The following CHST15 variants were observed in gnomAD, a reference collection of about 807,000 sequenced individuals.
CHST15 encodes the protein B cell RAG associated protein (GALNAC4S-6ST).
A neutral mutation model predicts 53.6 loss-of-function variants in CHST15; 30 were observed. The ratio of observed to expected loss-of-function variants is 0.56; its 90% CI spans 0.42 to 0.76. The LOEUF is 0.76. CHST15 is among the 30% of genes least tolerant of loss of function. CHST15 has a pLI of 0.00. For missense variants in CHST15, 627 were observed against 740.5 expected (o/e 0.85, Z 1.78); for synonymous variants, 296 against 289.8 (o/e 1.02, Z -0.22).
At chr10:124,071,869 G>A (rs1033369515) in intron 1 of CHST15, among the ~76,000 whole-genome samples, 3 of 151,942 alleles carry the variant, frequency 2.0e-5, no homozygotes, top group Admixed American at 6.5e-5. Flanking sequence ...TCCATTCTTC[G>A]GCCGTCCTAG....
At position 124,056,601 on chromosome 10, in the gene CHST15, G is replaced by A. The variant is rs188959210; in HGVS notation, c.-512-9877C>T. On this transcript the variant is annotated intron_variant, in intron 1 of 7. Transcript: ENST00000435907. ...CAGGGGCAGGGGAGGAAGGAGAGGC[G>A]GGGCTGTCCCTTGTCAGTTACCTTT... is the stretch of plus-strand genomic sequence containing the variant. Among the ~76,000 whole-genome samples the A allele has an allele frequency of 7.5e-4, 114 of 152,276 alleles. 1 individual carries two copies. The highest frequency in any genetic ancestry group is 4.9e-3 in the Admixed American group (75 of 15,302).
intron 5 of CHST15, among the ~76,000 whole-genome samples, chr10:124,029,221 T>C (rs1947125591): frequency 6.6e-6 from 1 of 152,236 alleles, no homozygotes; most frequent in Non-Finnish European, 1.5e-5. Context: ...GGAGCCCTTT[T>C]GTTCCACTGA....
chr10:124,011,182 G>A (rs1946408678), intron 7 of CHST15: 2 of 850,730 alleles, frequency 2.4e-6, no homozygotes, highest in East Asian at 1.2e-4. Context: ...GCTTCTTGGT[G>A]TAACCCATCA....
At chr10:124,022,820 T>C (rs948803703) in intron 5 of CHST15, among the ~76,000 whole-genome samples, 3 of 145,906 alleles carry the variant, frequency 2.1e-5, no homozygotes, top group African/African-American at 7.6e-5. Context: ...TCTTTTTTTT[T>C]TTTTTTTTTT....
chr10:124,043,802 A>G (rs1947829888), intron 3 of CHST15, among the ~76,000 whole-genome samples: 2 of 152,244 alleles, frequency 1.3e-5, no homozygotes. Context: ...CAGGTCAGAG[A>G]AGCTGAGGCC....
intron 1 of CHST15, among the ~76,000 whole-genome samples, chr10:124,050,533 G>A (rs1381045855): frequency 6.6e-6 from 1 of 152,186 alleles, no homozygotes. Context: ...CCACCCACTG[G>A]ATGCCATAGC....
chr10:124,064,846 T>C (rs752793194), intron 1 of CHST15, among the ~76,000 whole-genome samples: 19 of 152,152 alleles, frequency 1.2e-4, no homozygotes, highest in Non-Finnish European at 2.2e-4. Flanking sequence ...CAGACCACAC[T>C]GGCCCTGCCC....
At chr10:124,078,699 C>A (rs530464524) in intron 1 of CHST15, among the ~76,000 whole-genome samples, 1 of 152,202 alleles carries the variant, frequency 6.6e-6, no homozygotes, top group Non-Finnish European at 1.5e-5. Flanking sequence ...ATTGAAACAT[C>A]CTCTAAAAGA....
chr10:124,062,435 C>A (rs1019952110), intron 1 of CHST15, among the ~76,000 whole-genome samples: 5 of 152,190 alleles, frequency 3.3e-5, no homozygotes, highest in Non-Finnish European at 5.9e-5. Flanking sequence ...AACCCCTTAC[C>A]GGCTGTGTGC....
chr10:124,084,367 A>G (rs1232391726), intron 1 of CHST15, among the ~76,000 whole-genome samples: 1 of 152,168 alleles, frequency 6.6e-6, no homozygotes, highest in Non-Finnish European at 1.5e-5. Flanking sequence ...CCTGCAGGCC[A>G]GCTGACCTCC....
In CHST15 at chr10:124,091,031, T is replaced by A. The variant is rs78339280; in HGVS notation, c.-513+2438A>T. Among the ~76,000 whole-genome samples, 827 of 152,290 alleles carry A rather than the reference T, an allele frequency of 5.4e-3. 6 individuals are homozygous for A. The highest frequency in any genetic ancestry group is 0.019 in the African/African-American group (784 of 41,560). On this transcript the variant is annotated intron_variant, in intron 1 of 7. Transcript: ENST00000435907. ...CCTGCAGCTCCACCTCCAGCTCACC[T>A]ATGTGCCCACAGGAAGGCCATAACA...
chr10:124,091,452 G>A (rs760551222), intron 1 of CHST15, among the ~76,000 whole-genome samples: 16 of 152,156 alleles, frequency 1.1e-4, no homozygotes, highest in Non-Finnish European at 1.8e-4. Flanking sequence ...GGCCCCTCGG[G>A]GGTGCAGATG....
At position 124,009,222 on chromosome 10, in the gene CHST15, A is replaced by G. The variant is rs1002891662; in HGVS notation, c.*927T>C. 1.8e-5 allele frequency: 20 copies of G among 1,129,002 alleles called. No homozygotes were observed. The highest frequency in any genetic ancestry group is 3.2e-5 in the African/African-American group (2 of 61,580). 69.9% of individuals were successfully genotyped at this position (1,129,002 alleles called of 1,614,324 possible). On this transcript the variant is annotated 3_prime_UTR_variant, in exon 8 of 8. Transcript: ENST00000435907. The stretch of plus-strand genomic sequence containing the variant: ...AGGGCTTGAATTACCTAGATTTTCC[A>G]AGAAGTGTTCAATTCCTTGAGGTTG...
In CHST15 at chr10:124,036,511, G is replaced by A. The variant is rs530388145; in HGVS notation, c.1190+2004C>T. ...GCAGATCCAGCCTCTCCCTGACCAG[G>A]TCATACTCAGAGCAGCGGGAGCCAT... On this transcript the variant is annotated intron_variant, in intron 5 of 7. Transcript: ENST00000435907. This position sits in a 1 kb window ranked among gnomAD's most constrained non-coding sequence, Gnocchi z 5.1. Among the ~76,000 whole-genome samples the A allele has an allele frequency of 7.2e-5, 11 of 152,148 alleles. No individual in the cohort carries two copies. The East Asian group carries it at 2.1e-3, about 29-fold the overall frequency.
chr10:124,038,014 T>G (rs1025281766), intron 5 of CHST15, among the ~76,000 whole-genome samples: 2 of 152,198 alleles, frequency 1.3e-5, no homozygotes, highest in Non-Finnish European at 2.9e-5. Flanking sequence ...CTGCAACATG[T>G]GTCAACTCAG....
rs780219214 is a variant in CHST15 at position 124,044,619 on chromosome 10, C to A, written c.847G>T (p.Ala283Ser). The change falls in exon 3 of 8, where the codon GCC (alanine) becomes TCC (serine). Residue 283 changes from alanine to serine, a missense_variant. Physicochemically the swap from Ala to Ser is moderately conservative, Grantham distance 99. This residue lies in a region of CHST15 where 161 missense variants were observed against 117.2 expected (regional missense o/e 1.37). Transcript: ENST00000435907. ...GTCCACCAGTGTGGCTCCTTGATGG[C>A]GGAGAACTTGACCTCAGGGTGCAGC... is the stretch of plus-strand genomic sequence containing the variant. ...LRLHPEVKFS[A>S]IKEPHWWTRK... 5.1e-6 allele frequency: 8 copies of A among 1,577,740 alleles called. No individual in the cohort carries two copies. In the South Asian group the frequency reaches 6.8e-5, roughly 13 times the overall value.
At position 124,008,230 on chromosome 10, in the gene CHST15, A is replaced by G; in HGVS notation, c.*1919T>C. The G allele has an allele frequency of 8.2e-7, 1 of 1,221,196 alleles. No individual in the cohort carries two copies. The highest frequency in any genetic ancestry group is 4.3e-5 in the South Asian group (1 of 23,406). The allele number at this position is 1,221,196 out of a possible 1,614,324, so 75.6% of individuals were successfully genotyped here. A position where few individuals can be genotyped will look rare whatever the true frequency, so the allele number is the denominator to read the frequency against. ...AATAGTAAAATATGTACTGAAAATG[A>G]CAAGTTAATTGGCAGAGAAATTAAT... is the stretch of plus-strand genomic sequence containing the variant. On this transcript the variant is annotated 3_prime_UTR_variant, in exon 8 of 8. Coordinates refer to ENST00000435907, the MANE Select transcript of CHST15 (RefSeq NM_001270764.2).
intron 3 of CHST15, among the ~76,000 whole-genome samples, chr10:124,043,273 G>C (rs972487547): frequency 1.3e-5 from 2 of 152,128 alleles, no homozygotes; most frequent in African/African-American, 4.8e-5. Context: ...TTCATTAAGG[G>C]GAAATCACTG....
rs909310621 is a variant in CHST15 at position 124,012,156 on chromosome 10, T to C, written c.1495+177A>G. On this transcript the variant is annotated intron_variant, in intron 7 of 7. Transcript: ENST00000435907. ...TCACCATACTGTGCACAATGACCTA[T>C]GTACAGCTAGTGCTCAATAAATGGT... Among the ~76,000 whole-genome samples, 5 of 152,172 alleles carry C rather than the reference T, an allele frequency of 3.3e-5. No homozygotes were observed. In the South Asian group the frequency reaches 6.2e-4, roughly 19 times the overall value.
Sources: allele counts gnomAD v4.1 joint callset (sites outside exome capture counted in the v4.1 genomes callset), GRCh38; gene constraint gnomAD v4.1.1; regional missense constraint gnomAD v4.1.1; non-coding constraint Gnocchi (gnomAD v3.1); transcripts MANE v1.5; gene names NCBI Gene and HGNC (gene_info 2026-07-23, HGNC 2026-07-21).